MED16: variants seen among roughly 807,000 people sequenced by gnomAD.
The protein encoded by MED16 is mediator complex subunit 16, also known as mediator of RNA polymerase II transcription subunit 16.
In MED16, 81 loss-of-function variants were observed where a neutral mutation model predicts 84.4. That is an observed-to-expected ratio of 0.96 (90% CI 0.80 to 1.15). The LOEUF is 1.15. Ranked by LOEUF, MED16 falls within the 50% of genes most tolerant of loss-of-function variation. The pLI is 0.00. For missense variants in MED16, 1,585 were observed against 1,245.9 expected, an observed-to-expected ratio of 1.27 and a Z score of -4.10; for synonymous variants, 897 against 552.2, an observed-to-expected ratio of 1.62 and a Z score of -8.76.
intron 6 of MED16, 134 bp downstream of exon 6, chr19:884,769 G>T: frequency 1.5e-6 from 1 of 677,978 alleles, no homozygotes; most frequent in Non-Finnish European, 2.6e-6. Context: ...CACTACTGGA[G>T]ATCGAGGCGA....
intron 10 of MED16, 27 bp from the exon 11 acceptor site, chr19:873,609 C>G (rs779817079): frequency 3.1e-6 from 5 of 1,610,600 alleles, no homozygotes; most frequent in Non-Finnish European, 4.2e-6. Context: ...GTCGGGTCAG[C>G]TCGGGCCTCT....
chr19:881,887 C>T (rs1014807629), intron 6 of MED16, among the ~76,000 whole-genome samples, 173 bp from the exon 7 acceptor site: 1 of 152,330 alleles, frequency 6.6e-6, no homozygotes, highest in African/African-American at 2.4e-5. Flanking sequence ...GCGCTTCGTG[C>T]CTCGGCCACT....
At chr19:872,484 G>C (rs866806543) in intron 11 of MED16, among the ~76,000 whole-genome samples, 1 of 152,072 alleles carries the variant, frequency 6.6e-6, no homozygotes, top group East Asian at 1.9e-4. Flanking sequence ...GACCAGGGAA[G>C]GGAGGCCCCA....
intron 13 of MED16, among the ~76,000 whole-genome samples, chr19:870,287 G>A (rs1317437815): frequency 2.6e-5 from 4 of 152,192 alleles, no homozygotes; most frequent in African/African-American, 9.7e-5. Flanking sequence ...CAAGGCCGGG[G>A]CGGTGGCTCA....
chr19:881,890 C>T (rs1568329176), intron 6 of MED16, among the ~76,000 whole-genome samples, 176 bp from the exon 7 acceptor site: 1 of 152,180 alleles, frequency 6.6e-6, no homozygotes, highest in Non-Finnish European at 1.5e-5. Flanking sequence ...CTTCGTGCCT[C>T]GGCCACTCAT....
At chr19:889,244 G>A (rs1056907647) in intron 4 of MED16, among the ~76,000 whole-genome samples, 1 of 152,068 alleles carries the variant, frequency 6.6e-6, no homozygotes, top group African/African-American at 2.4e-5. Flanking sequence ...AGGGAGCATA[G>A]AGAGGGGCTC....
intron 4 of MED16, among the ~76,000 whole-genome samples, chr19:887,336 T>C (rs2036547190): frequency 6.6e-6 from 1 of 152,154 alleles, no homozygotes; most frequent in Non-Finnish European, 1.5e-5. Flanking sequence ...TGAGACTATG[T>C]TAAAGGAGCA....
intron 9 of MED16, among the ~76,000 whole-genome samples, chr19:876,474 C>CA (rs1262776071): frequency 6.6e-6 from 1 of 152,132 alleles, no homozygotes; most frequent in Non-Finnish European, 1.5e-5. Flanking sequence ...AAGATACCTC[C>CA]AGACTGGGAA....
chr19:873,405 G>C, intron 11 of MED16, 44 bp downstream of exon 11: 3 of 1,585,554 alleles, frequency 1.9e-6, no homozygotes, highest in Non-Finnish European at 1.7e-6. Flanking sequence ...GATGAGATGG[G>C]GGCCCAGGTG....
intron 1 of MED16, among the ~76,000 whole-genome samples, chr19:891,732 G>C (rs1310695418): frequency 1.8e-5 from 2 of 111,948 alleles, no homozygotes. Context: ...TGGCCGAGGC[G>C]GGGCTGACTG....
In MED16 at chr19:877,043, G is replaced by C; in HGVS notation, c.1491C>G (p.Pro497=). The change falls in exon 9 of 16, where the codon CCC becomes CCG. Residue 497 remains proline (P), a synonymous_variant. Transcript: ENST00000325464. The part of the protein sequence containing the change: ...DWWDILLHVQ[P]SMVQSLVEKL... Reference sequence around the variant, plus strand: ...TCTCCACCAGGCTCTGTACCATACTGGGCTGCACGTGCAGCAGGATGTCCC... The same window carrying C: ...TCTCCACCAGGCTCTGTACCATACTCGGCTGCACGTGCAGCAGGATGTCCC... 2 of 1,612,580 alleles carry C rather than the reference G, an allele frequency of 1.2e-6. No individual in the cohort carries two copies. The highest frequency in any genetic ancestry group is 1.7e-6 in the Non-Finnish European group (2 of 1,179,898).
rs771287339 is a variant in MED16, at chr19:871,659, G to C, written c.2098+267C>G. On this transcript the variant is annotated intron_variant, in intron 12 of 15. Coordinates refer to ENST00000325464, the MANE Select transcript of MED16 (RefSeq NM_005481.3). ...CCACACAGAGCATGGACCTGTGCTAGGAACTGGGGAAATAGCAGATATCAA... is the reference window on the plus strand; with the variant it reads ...CCACACAGAGCATGGACCTGTGCTACGAACTGGGGAAATAGCAGATATCAA... 3.8e-5 allele frequency: 61 copies of C among 1,586,196 alleles called. No homozygotes were observed. The African/African-American group carries it at 5.2e-4, about 14-fold the overall frequency.
At chr19:879,076 AG>A (rs2036345331) in intron 8 of MED16, among the ~76,000 whole-genome samples, 73 of 40,660 alleles carry the variant, frequency 1.8e-3, no homozygotes, top group Non-Finnish European at 2.5e-3. Context: ...CCCCAGCCCC[AG>A]CCCCACGTGC....
In MED16 at chr19:877,183, G is replaced by C; in HGVS notation, c.1354-3C>G. ...GGTGAGAGGCGGAGCACGCTCAGCTGCCAGAGACAGAGCCCAAGGAGAGCC... is the reference window on the plus strand; with the variant it reads ...GGTGAGAGGCGGAGCACGCTCAGCTCCCAGAGACAGAGCCCAAGGAGAGCC... On this transcript the variant is annotated splice_region_variant and splice_polypyrimidine_tract_variant and intron_variant, in intron 8 of 15. Transcript: ENST00000325464. 3 of 1,605,332 alleles carry C rather than the reference G, an allele frequency of 1.9e-6. No individual in the cohort carries two copies. The highest frequency in any genetic ancestry group is 1.7e-6 in the Non-Finnish European group (2 of 1,177,466).
At chr19:888,808 G>A (rs1158039864) in intron 4 of MED16, among the ~76,000 whole-genome samples, 1 of 152,206 alleles carries the variant, frequency 6.6e-6, no homozygotes, top group Non-Finnish European at 1.5e-5. Context: ...CCTGGGGAGG[G>A]ACTCACGAAG....
intron 12 of MED16, chr19:871,687 C>G: frequency 6.7e-7 from 1 of 1,489,066 alleles, no homozygotes; most frequent in South Asian, 1.1e-5. Flanking sequence ...GATATCAAGG[C>G]AGAGCCACTG....
chr19:872,332 G>C (rs1031637836), intron 11 of MED16, among the ~76,000 whole-genome samples: 2 of 152,016 alleles, frequency 1.3e-5, no homozygotes, highest in Non-Finnish European at 2.9e-5. Context: ...CCCATTTGCA[G>C]AGTCGTCCCA....
At chr19:874,921 A>G (rs1014016577) in intron 10 of MED16, among the ~76,000 whole-genome samples, 6 of 152,130 alleles carry the variant, frequency 3.9e-5, no homozygotes, top group Non-Finnish European at 5.9e-5. Flanking sequence ...CCAGCACTTT[A>G]GGAGGCCGAG....
intron 10 of MED16, among the ~76,000 whole-genome samples, chr19:874,792 C>A (rs1018411213): frequency 6.7e-6 from 1 of 149,354 alleles, no homozygotes; most frequent in Non-Finnish European, 1.5e-5. Flanking sequence ...ATTGCTTGAG[C>A]CCAGAAGGCA....
Sources: gnomAD v4.1 joint callset for allele counts (sites outside exome capture counted in the v4.1 genomes callset) on GRCh38, gnomAD v4.1.1 for gene constraint, MANE v1.5 for transcripts, NCBI Gene and HGNC (gene_info 2026-07-23, HGNC 2026-07-21) for gene names.